FARS2: variants seen among roughly 807,000 people sequenced by gnomAD.
FARS2 encodes the protein phenylalanyl-tRNA synthetase 2, mitochondrial, also known as phenylalanine--tRNA ligase, mitochondrial.
In FARS2, 40 loss-of-function variants were observed where a neutral mutation model predicts 46.4. That is an observed-to-expected ratio of 0.86 (90% CI 0.67 to 1.12). The LOEUF is 1.12. FARS2 is among the 50% of genes most tolerant of loss of function. The probability of loss-of-function intolerance (pLI) is 0.00; values close to 1 mark genes in which losing one functional copy is unlikely to be tolerated. For missense variants in FARS2, 513 were observed against 567.9 expected (o/e 0.90, Z 0.98); for synonymous variants, 234 against 214.9 (o/e 1.09, Z -0.78).
At chr6:5,686,195 A>G (rs1260262573) in intron 6 of FARS2, among the ~76,000 whole-genome samples, 2 of 144,012 alleles carry the variant, frequency 1.4e-5, no homozygotes, top group African/African-American at 2.6e-5. Flanking sequence ...CTTTCTTTCT[A>G]TGAACTTTTT....
intron 4 of FARS2, among the ~76,000 whole-genome samples, chr6:5,502,597 G>C (rs1056891842): frequency 3.3e-5 from 5 of 152,124 alleles, no homozygotes; most frequent in Non-Finnish European, 7.4e-5. Flanking sequence ...ATTGAAGAAG[G>C]CTTCACAATT....
rs370318534 is a variant in FARS2, at chr6:5,482,289, T to C, written c.904+51117T>C. ...TTCAATTATTTTGGCAGAATTATTTTTTTCTAGTGGTAAATTACACAGCAT... is the reference window on the plus strand; with the variant it reads ...TTCAATTATTTTGGCAGAATTATTTCTTTCTAGTGGTAAATTACACAGCAT... On this transcript the variant is annotated intron_variant, in intron 4 of 6. Transcript: ENST00000274680. Among the ~76,000 whole-genome samples, 4 of 152,192 alleles carry C rather than the reference T, an allele frequency of 2.6e-5. No individual in the cohort carries two copies. The East Asian group carries it at 5.8e-4, about 22-fold the overall frequency.
rs553503168 is a variant in FARS2, at chr6:5,587,981, T to A, written c.1066-25188T>A. Among the ~76,000 whole-genome samples, 28 of 152,280 alleles carry A rather than the reference T, an allele frequency of 1.8e-4. No homozygotes were observed. In the South Asian group the frequency reaches 1.9e-3, roughly 10 times the overall value. ...ACATATTTTAAGATAGGTAAAACCC[T>A]GACTGTGGTGGGAATGGGAGGTGGG... On this transcript the variant is annotated intron_variant, in intron 5 of 6. Coordinates refer to ENST00000274680, the MANE Select transcript of FARS2 (RefSeq NM_006567.5).
intron 5 of FARS2, among the ~76,000 whole-genome samples, chr6:5,553,539 A>T (rs142485905): frequency 1.3e-5 from 2 of 152,236 alleles, no homozygotes; most frequent in Non-Finnish European, 2.9e-5. Flanking sequence ...CCATTCCCTA[A>T]AGTTTAACCT....
chr6:5,521,416 TG>T (rs1769127435), intron 4 of FARS2, among the ~76,000 whole-genome samples: 1 of 151,440 alleles, frequency 6.6e-6, no homozygotes, highest in South Asian at 2.1e-4. Context: ...GCTGCTGGAC[TG>T]TGAATGTATA....
intron 5 of FARS2, among the ~76,000 whole-genome samples, chr6:5,590,311 G>A (rs742114): frequency 0.55 from 83,419 of 152,014 alleles, 23,010 homozygotes; most frequent in Middle Eastern, 0.6. Context: ...TCTCTGTGGA[G>A]CTTTCAGAGG....
chr6:5,444,504 G>C (rs1481459712), intron 4 of FARS2, among the ~76,000 whole-genome samples: 1 of 134,982 alleles, frequency 7.4e-6, no homozygotes, highest in Non-Finnish European at 1.6e-5. Flanking sequence ...GAGAGAGAGA[G>C]AGAGAGAGAG....
At position 5,471,103 on chromosome 6, in the gene FARS2, A is replaced by T. The variant is rs1032996982; in HGVS notation, c.904+39931A>T. On this transcript the variant is annotated intron_variant, in intron 4 of 6. Coordinates refer to ENST00000274680, the MANE Select transcript of FARS2 (RefSeq NM_006567.5). This position sits in a 1 kb window ranked among gnomAD's most constrained non-coding sequence, Gnocchi z 4.1. ...TACATGTTAACAATAAGTGAACCCC[A>T]CTGAGGGGTTTCAGCCACTGAGAGA... Among the ~76,000 whole-genome samples the T allele has an allele frequency of 7.2e-5, 11 of 152,194 alleles. No individual in the cohort carries two copies. Among genetic ancestry groups the T allele is most frequent in the Non-Finnish European group, 1.3e-4 (9 of 68,030 alleles).
At chr6:5,679,804 T>C (rs374448550) in intron 6 of FARS2, among the ~76,000 whole-genome samples, 2 of 151,324 alleles carry the variant, frequency 1.3e-5, no homozygotes, top group African/African-American at 4.9e-5. Context: ...CTCCCAAAAC[T>C]CCTATCTTTT....
chr6:5,540,649 A>AT (rs1189442249), intron 4 of FARS2, among the ~76,000 whole-genome samples: 2 of 152,246 alleles, frequency 1.3e-5, no homozygotes, highest in Non-Finnish European at 2.9e-5. Context: ...GGAGTAGTCA[A>AT]TACTGTGTAT....
At chr6:5,588,723 T>G (rs1402498418) in intron 5 of FARS2, among the ~76,000 whole-genome samples, 2 of 152,202 alleles carry the variant, frequency 1.3e-5, no homozygotes, top group Non-Finnish European at 2.9e-5. Context: ...AATCACCGTT[T>G]ATTTGATTGT....
At chr6:5,283,663 A>G (rs1237132527) in intron 1 of FARS2, among the ~76,000 whole-genome samples, 1 of 152,100 alleles carries the variant, frequency 6.6e-6, no homozygotes, top group Non-Finnish European at 1.5e-5. Context: ...TTATATATGC[A>G]TGTATATGCA....
intron 5 of FARS2, among the ~76,000 whole-genome samples, chr6:5,606,269 C>T (rs1774828975): frequency 1.3e-5 from 2 of 152,128 alleles, no homozygotes; most frequent in Admixed American, 6.5e-5. Context: ...GATAAAGCTA[C>T]ACCGCTTCCA....
chr6:5,765,464 G>A lies in FARS2; in HGVS notation c.1218-5827G>A, dbSNP rs1226587006. Among the ~76,000 whole-genome samples, 1 of 152,236 alleles carries A rather than the reference G, an allele frequency of 6.6e-6. No homozygotes were observed. The highest frequency in any genetic ancestry group is 3.2e-3 in the Middle Eastern group (1 of 316). On this transcript the variant is annotated intron_variant, in intron 6 of 6. Transcript: ENST00000274680. The surrounding 1 kb of genome is among the most constrained non-coding windows in gnomAD (Gnocchi z 4.0). Reference sequence around the variant, plus strand: ...TCGCTCATCACCTGCCAATGGCAGGGAGCGTGGGCTGTCTTATATTCTGTT... The same window carrying A: ...TCGCTCATCACCTGCCAATGGCAGGAAGCGTGGGCTGTCTTATATTCTGTT...
At chr6:5,568,653 G>A (rs1772457744) in intron 5 of FARS2, among the ~76,000 whole-genome samples, 1 of 152,196 alleles carries the variant, frequency 6.6e-6, no homozygotes, top group South Asian at 2.1e-4. Context: ...ATAGCAGAGT[G>A]TGCTGAGTTA....
At chr6:5,279,407 A>C (rs951471371) in intron 1 of FARS2, among the ~76,000 whole-genome samples, 7 of 150,990 alleles carry the variant, frequency 4.6e-5, no homozygotes, top group Admixed American at 4.6e-4. Context: ...AAAGAAAAAA[A>C]GAAAGCAATC....
At chr6:5,510,893 G>A (rs1285443697) in intron 4 of FARS2, among the ~76,000 whole-genome samples, 1 of 152,156 alleles carries the variant, frequency 6.6e-6, no homozygotes, top group African/African-American at 2.4e-5. Context: ...GCCTGTCTGT[G>A]CTGGGCTTTA....
intron 4 of FARS2, among the ~76,000 whole-genome samples, chr6:5,437,949 G>A (rs1240024009): frequency 3.9e-5 from 6 of 151,978 alleles, no homozygotes; most frequent in African/African-American, 1.2e-4. Flanking sequence ...ACGTCAAGTG[G>A]TGATAATTTC....
chr6:5,346,893 A>C (rs1010219933), intron 1 of FARS2, among the ~76,000 whole-genome samples: 1 of 150,598 alleles, frequency 6.6e-6, no homozygotes, highest in Admixed American at 6.6e-5. Flanking sequence ...CACGGACCTT[A>C]GTTATACCAT....
Sources: allele counts gnomAD v4.1 joint callset (sites outside exome capture counted in the v4.1 genomes callset), GRCh38; gene constraint gnomAD v4.1.1; non-coding constraint Gnocchi (gnomAD v3.1); transcripts MANE v1.5; gene names NCBI Gene and HGNC (gene_info 2026-07-23, HGNC 2026-07-21).